Variants in GUCY1A1 observed in about 807,000 individuals in gnomAD.
GUCY1A1 encodes the protein guanylate cyclase soluble subunit alpha-1.
GUCY1A1 carries 48 observed loss-of-function variants against 64.5 expected under a neutral mutation model. That is an observed-to-expected ratio of 0.74 (90% CI 0.59 to 0.95). The LOEUF is 0.95. Ranked by LOEUF, GUCY1A1 falls within the 40% of genes least tolerant of loss-of-function variation. The pLI is 0.00. For synonymous variants in GUCY1A1, 308 were observed against 303.4 expected, an observed-to-expected ratio of 1.02 and a Z score of -0.16; for missense variants, 804 against 825.3, an observed-to-expected ratio of 0.97 and a Z score of 0.32.
In GUCY1A1 at chr4:155,670,488, T is replaced by C. The variant is rs186962737; in HGVS notation, c.-113+3069T>C. Among the ~76,000 whole-genome samples the C allele has an allele frequency of 2.7e-3, 406 of 152,320 alleles. 1 individual carries two copies. Among genetic ancestry groups the C allele is most frequent in the South Asian group, 7.5e-3 (36 of 4,830 alleles). ...ACATTTTGAAATGTCTTACCTATTA[T>C]ATATGTAATTTTTCTTCTTCCCTGG... On this transcript the variant is annotated intron_variant, in intron 2 of 9. Transcript: ENST00000506455.
intron 3 of GUCY1A1, among the ~76,000 whole-genome samples, chr4:155,700,635 C>T (rs549309317): frequency 6.6e-6 from 1 of 152,216 alleles, no homozygotes; most frequent in East Asian, 1.9e-4. Context: ...TCAAGAGAAA[C>T]AAACTTGAGA....
At chr4:155,707,443 C>T (rs57248990) in intron 4 of GUCY1A1, among the ~76,000 whole-genome samples, 1 of 152,118 alleles carries the variant, frequency 6.6e-6, no homozygotes, top group Non-Finnish European at 1.5e-5. Context: ...GTTGTTTACC[C>T]TCACAATTTC....
intron 2 of GUCY1A1, among the ~76,000 whole-genome samples, chr4:155,685,002 A>G (rs1426817745): frequency 1.3e-5 from 2 of 152,202 alleles, no homozygotes; most frequent in African/African-American, 2.4e-5. Context: ...GAACTTGAAT[A>G]ATAATCACCA....
At chr4:155,715,903 AAAAT>A (rs1262116695) in intron 7 of GUCY1A1, among the ~76,000 whole-genome samples, 2 of 152,180 alleles carry the variant, frequency 1.3e-5, no homozygotes, top group South Asian at 4.1e-4. Flanking sequence ...ATGTGAAAGA[AAAAT>A]AAAGTAGGTT....
intron 2 of GUCY1A1, among the ~76,000 whole-genome samples, chr4:155,669,908 C>T (rs959525777): frequency 1.3e-5 from 2 of 152,136 alleles, no homozygotes; most frequent in African/African-American, 4.8e-5. Context: ...TTTAAAATAA[C>T]ACGATCTGCA....
chr4:155,696,833 G>A lies in GUCY1A1; in HGVS notation c.-35G>A, dbSNP rs768503645. 2 of 1,604,234 alleles carry A rather than the reference G, an allele frequency of 1.2e-6. No individual in the cohort carries two copies. The highest frequency in any genetic ancestry group is 4.5e-5 in the East Asian group (2 of 44,812). On this transcript the variant is annotated 5_prime_UTR_variant, in exon 3 of 10. Coordinates refer to ENST00000506455, the MANE Select transcript of GUCY1A1 (RefSeq NM_001130682.3). ...TCATATAAGAACTACAGCTCATCAG[G>A]AGGAGATCGCAGCAGGGTAAGAGAC...
In GUCY1A1 at chr4:155,735,077, A is replaced by T. The variant is rs956846087; in HGVS notation, c.*4846A>T. ...TATTGATGATGTGCACTCATTCAGT[A>T]TTCTTATTTTAAGCTGCAGTAATCA... is the stretch of plus-strand genomic sequence containing the variant. On this transcript the variant is annotated 3_prime_UTR_variant, in exon 10 of 10. Transcript: ENST00000506455. The T allele has an allele frequency of 6.6e-6, 1 of 151,912 alleles. No individual in the cohort carries two copies. The highest frequency in any genetic ancestry group is 2.4e-5 in the African/African-American group (1 of 41,402). 9.4% of individuals were successfully genotyped at this position (151,912 alleles called of 1,614,324 possible).
At chr4:155,683,880 G>T (rs993338957) in intron 2 of GUCY1A1, among the ~76,000 whole-genome samples, 19 of 152,128 alleles carry the variant, frequency 1.2e-4, no homozygotes, top group Non-Finnish European at 2.9e-5. Flanking sequence ...AGTGGCTGGT[G>T]GTCCACAAAG....
intron 2 of GUCY1A1, among the ~76,000 whole-genome samples, chr4:155,676,695 G>C (rs1180183914): frequency 6.6e-6 from 1 of 151,452 alleles, no homozygotes; most frequent in Non-Finnish European, 1.5e-5. Flanking sequence ...TCTGACAGCT[G>C]TATTTTACTG....
intron 3 of GUCY1A1, among the ~76,000 whole-genome samples, chr4:155,701,351 A>G (rs1731060312): frequency 6.6e-6 from 1 of 152,190 alleles, no homozygotes; most frequent in Admixed American, 6.6e-5. Context: ...GGAAAGCCAA[A>G]CATACATTTG....
intron 5 of GUCY1A1, among the ~76,000 whole-genome samples, chr4:155,710,043 T>G (rs1472753873): frequency 6.6e-6 from 1 of 152,168 alleles, no homozygotes; most frequent in Non-Finnish European, 1.5e-5. Context: ...ACAACAAGAA[T>G]GCGATTTGAT....
In GUCY1A1 at chr4:155,728,358, T is replaced by C. The variant is rs567330487; in HGVS notation, c.1872-1672T>C. ...TTACAAAGTTCCTGAATTTTAACAA[T>C]TGGCTCTCACAAGCCAGTATGAACC... is the stretch of plus-strand genomic sequence containing the variant. On this transcript the variant is annotated intron_variant, in intron 9 of 9. Coordinates refer to ENST00000506455, the MANE Select transcript of GUCY1A1 (RefSeq NM_001130682.3). Among the ~76,000 whole-genome samples, 7 of 151,950 alleles carry C rather than the reference T, an allele frequency of 4.6e-5. No individual in the cohort carries two copies. The South Asian group carries it at 6.2e-4, about 13-fold the overall frequency.
Position 155,710,846 on chromosome 4 carries a change from T to A in GUCY1A1, c.681T>A (p.Tyr227Ter). 4 of 1,614,162 alleles carry A rather than the reference T, an allele frequency of 2.5e-6. No individual in the cohort carries two copies. Among genetic ancestry groups the A allele is most frequent in the Non-Finnish European group, 3.4e-6 (4 of 1,180,006 alleles). The change falls in exon 6 of 10, where the codon TAT becomes TAA. Residue 227 changes from tyrosine (Y) to a stop codon, truncating the protein, a stop_gained. Coordinates refer to ENST00000506455, the MANE Select transcript of GUCY1A1 (RefSeq NM_001130682.3). LOFTEE classifies it high-confidence loss of function. ...TAAAGGCAGCTGCTCACGTATTATA[T>A]GAAACGGAAGTGGAAGTGTCGTTAA... ...GIIKAAAHVLYETEVEVSLMP... is the reference protein window; with the variant it reads ...GIIKAAAHVL
intron 7 of GUCY1A1, among the ~76,000 whole-genome samples, chr4:155,714,850 C>T (rs181237836): frequency 3.3e-5 from 5 of 152,246 alleles, no homozygotes; most frequent in East Asian, 1.9e-4. Context: ...GCTTCAGTTA[C>T]GTTAAGTTTG....
In GUCY1A1 at chr4:155,667,334, C is replaced by G. The variant is rs913659961; in HGVS notation, c.-186-12C>G. Reference sequence around the variant, plus strand: ...GCCACCCCTGACGCCTGCTCTCTTTCTCCATTCGCAGTGCGGATTTGCGAG... The same window carrying G: ...GCCACCCCTGACGCCTGCTCTCTTTGTCCATTCGCAGTGCGGATTTGCGAG... On this transcript the variant is annotated splice_polypyrimidine_tract_variant and intron_variant, in intron 1 of 9. Transcript: ENST00000506455. The G allele has an allele frequency of 2.6e-5, 4 of 152,536 alleles. No homozygotes were observed. The highest frequency in any genetic ancestry group is 4.4e-5 in the Non-Finnish European group (3 of 68,344). 9.4% of individuals were successfully genotyped at this position (152,536 alleles called of 1,614,324 possible).
chr4:155,725,126 G>T (rs975267386), intron 9 of GUCY1A1, among the ~76,000 whole-genome samples: 3 of 151,940 alleles, frequency 2.0e-5, no homozygotes, highest in African/African-American at 7.3e-5. Context: ...ATCTGAAATT[G>T]TCTTATGCAG....
At chr4:155,675,720 A>G (rs921030453) in intron 2 of GUCY1A1, among the ~76,000 whole-genome samples, 1 of 151,602 alleles carries the variant, frequency 6.6e-6, no homozygotes, top group African/African-American at 2.4e-5. Flanking sequence ...AGTGGTATGT[A>G]GGAGAGCTGT....
chr4:155,723,668 A>G (rs865891342), intron 9 of GUCY1A1, among the ~76,000 whole-genome samples: 1 of 103,714 alleles, frequency 9.6e-6, no homozygotes, highest in Admixed American at 1.0e-4. Context: ...TTATTTATTT[A>G]TTTATATTTT....
chr4:155,685,139 G>A (rs1009175343), intron 2 of GUCY1A1, among the ~76,000 whole-genome samples: 3 of 152,094 alleles, frequency 2.0e-5, no homozygotes, highest in Non-Finnish European at 2.9e-5. Context: ...TTACATGATC[G>A]ATGTTTCAGA....
Sources: allele counts gnomAD v4.1 joint callset (sites outside exome capture counted in the v4.1 genomes callset), GRCh38; gene constraint gnomAD v4.1.1; transcripts MANE v1.5; gene names NCBI Gene and HGNC (gene_info 2026-07-23, HGNC 2026-07-21).